ACTR3C: variants seen among roughly 807,000 people sequenced by gnomAD.
ACTR3C encodes the protein actin related protein 3C.
In ACTR3C, 18 loss-of-function variants were observed where a neutral mutation model predicts 26.3. The observed-to-expected ratio is 0.68, with a 90% CI of 0.47 to 1.01. ACTR3C has a LOEUF of 1.01. ACTR3C is among the 50% of genes least tolerant of loss of function. The pLI, the probability that ACTR3C is intolerant of heterozygous loss-of-function variation, is 0.00. For missense variants in ACTR3C, 184 were observed against 250.7 expected (o/e 0.73, Z 1.80); for synonymous variants, 55 against 94.5 (o/e 0.58, Z 2.42).
the ACTR3C span, among the ~76,000 whole-genome samples, chr7:150,223,239 T>C: frequency 1.3e-5 from 2 of 152,202 alleles, no homozygotes; most frequent in Non-Finnish European, 2.9e-5. Flanking sequence ...TGTTTTTGCA[T>C]GTCTCAGCAG....
intron 1 of ACTR3C, among the ~76,000 whole-genome samples, chr7:150,317,197 G>A (rs376253618): frequency 2.6e-5 from 4 of 151,892 alleles, no homozygotes; most frequent in African/African-American, 7.3e-5. Context: ...GATTACAGGC[G>A]TGCAGCATGC....
At chr7:150,296,311 C>T (rs1261355907) in intron 1 of ACTR3C, among the ~76,000 whole-genome samples, 5 of 149,902 alleles carry the variant, frequency 3.3e-5, no homozygotes, top group South Asian at 2.1e-4. Context: ...TGTGCCACTG[C>T]ACTCCAACCT....
intron 6 of ACTR3C, among the ~76,000 whole-genome samples, chr7:150,262,914 T>C (rs1040832981): frequency 1.3e-5 from 2 of 152,204 alleles, no homozygotes; most frequent in African/African-American, 4.8e-5. Flanking sequence ...AACAATAATC[T>C]GTTCATTAAA....
chr7:150,017,406 G>GAGGTTGCAGTGA, the ACTR3C span, among the ~76,000 whole-genome samples: 6 of 150,620 alleles, frequency 4.0e-5, no homozygotes, highest in African/African-American at 1.0e-4. Context: ...TCACAGACCA[G>GAGGTTGCAGTGA]GTCCATTCTC....
the ACTR3C span, among the ~76,000 whole-genome samples, chr7:150,058,339 A>C: frequency 6.6e-6 from 1 of 152,200 alleles, no homozygotes; most frequent in Non-Finnish European, 1.5e-5. Context: ...ACCTGCTTGT[A>C]TGGCCAACCT....
chr7:149,958,879 C>T, the ACTR3C span, among the ~76,000 whole-genome samples: 1 of 152,190 alleles, frequency 6.6e-6, no homozygotes, highest in Admixed American at 6.5e-5. Flanking sequence ...TGGAGAAACA[C>T]CCTAGGGTTG....
chr7:150,074,234 T>G, the ACTR3C span: 1 of 152,160 alleles, frequency 6.6e-6, no homozygotes, highest in Non-Finnish European at 1.5e-5. Context: ...CTCTAAAGCT[T>G]GATGATTCAC....
the ACTR3C span, among the ~76,000 whole-genome samples, chr7:149,939,662 C>T: frequency 6.6e-6 from 1 of 150,986 alleles, no homozygotes; most frequent in Admixed American, 6.6e-5. Flanking sequence ...GCAGACTGTG[C>T]AGCAGATACC....
chr7:150,158,858 G>A, the ACTR3C span, among the ~76,000 whole-genome samples: 1 of 138,648 alleles, frequency 7.2e-6, no homozygotes, highest in East Asian at 2.5e-4. Flanking sequence ...ACACACACAG[G>A]CATGCCCACA....
intron 2 of ACTR3C, among the ~76,000 whole-genome samples, chr7:150,295,033 A>G (rs1836615823): frequency 6.6e-6 from 1 of 152,220 alleles, no homozygotes; most frequent in South Asian, 2.1e-4. Flanking sequence ...GCATGTAAAA[A>G]GAGCCAGACG....
chr7:149,951,423 A>T, the ACTR3C span, among the ~76,000 whole-genome samples: 83,131 of 146,528 alleles, frequency 0.57, 25,430 homozygotes, highest in African/African-American at 0.59. Context: ...CAGGGACCCA[A>T]GAGTTTGGCT....
chr7:150,254,253 A>C (rs1320192781), intron 6 of ACTR3C, among the ~76,000 whole-genome samples: 2 of 152,164 alleles, frequency 1.3e-5, no homozygotes, highest in African/African-American at 4.8e-5. Context: ...GTTTGGAATG[A>C]TGGCTTTTGT....
the ACTR3C span, among the ~76,000 whole-genome samples, chr7:150,134,514 T>G: frequency 0.036 from 4,484 of 123,492 alleles, 106 homozygotes; most frequent in African/African-American, 0.087. Context: ...TGCACAAACA[T>G]GAACACGTGC....
At chr7:149,888,127 G>A in the ACTR3C span, among the ~76,000 whole-genome samples, 14 of 152,160 alleles carry the variant, frequency 9.2e-5, no homozygotes, top group Non-Finnish European at 1.6e-4. Context: ...AGGGTGTTTT[G>A]TCATGCAGCA....
chr7:149,902,060 C>T, the ACTR3C span, among the ~76,000 whole-genome samples: 107 of 151,706 alleles, frequency 7.1e-4, no homozygotes, highest in Middle Eastern at 3.5e-3. Context: ...AAAAAGTCAT[C>T]TGAGGGCAAT....
the ACTR3C span, among the ~76,000 whole-genome samples, chr7:150,154,030 G>A: frequency 5.2e-3 from 726 of 140,894 alleles, 4 homozygotes; most frequent in Non-Finnish European, 8.8e-3. Flanking sequence ...CAATGAGAAC[G>A]CATGGACACA....
the ACTR3C span, among the ~76,000 whole-genome samples, chr7:149,952,272 A>C: frequency 1.4e-5 from 2 of 144,478 alleles, no homozygotes; most frequent in African/African-American, 5.4e-5. Flanking sequence ...CCATTCTTCT[A>C]AATCTTTCTA....
the ACTR3C span, among the ~76,000 whole-genome samples, chr7:150,068,800 A>C: frequency 6.2e-4 from 90 of 146,116 alleles, 4 homozygotes; most frequent in African/African-American, 8.4e-4. Flanking sequence ...AAAAAAAAAA[A>C]AACCAAAAAA....
At chr7:150,119,155 G>A in the ACTR3C span, among the ~76,000 whole-genome samples, 1 of 152,122 alleles carries the variant, frequency 6.6e-6, no homozygotes, top group African/African-American at 2.4e-5. Flanking sequence ...AAAGACCATC[G>A]ACACTATGAA....
Sources: gnomAD v4.1 joint callset for allele counts (sites outside exome capture counted in the v4.1 genomes callset) on GRCh38, gnomAD v4.1.1 for gene constraint, MANE v1.5 for transcripts, NCBI Gene and HGNC (gene_info 2026-07-23, HGNC 2026-07-21) for gene names.